ULK4: variants seen among roughly 807,000 people sequenced by gnomAD.
ULK4 encodes unc-51 like kinase 4.
A neutral mutation model predicts 160.6 loss-of-function variants in ULK4; 133 were observed. That is an observed-to-expected ratio of 0.83 (90% CI 0.72 to 0.96). The LOEUF (loss-of-function observed/expected upper bound fraction) is 0.96, where lower values mean the gene tolerates loss of function less well. ULK4 is among the 40% of genes least tolerant of loss of function. The pLI, the probability that ULK4 is intolerant of heterozygous loss-of-function variation, is 0.00. For missense variants in ULK4, 1,580 were observed against 1,499.5 expected (o/e 1.05, Z -0.89); for synonymous variants, 534 against 539.8 (o/e 0.99, Z 0.15).
At chr3:41,326,970 T>C (rs926823948) in intron 35 of ULK4, among the ~76,000 whole-genome samples, 4 of 152,218 alleles carry the variant, frequency 2.6e-5, no homozygotes, top group Admixed American at 6.5e-5. Flanking sequence ...AATCTCTTGG[T>C]CAACTGGTTT....
At chr3:41,550,867 A>G (rs1292314962) in intron 32 of ULK4, among the ~76,000 whole-genome samples, 2 of 152,086 alleles carry the variant, frequency 1.3e-5, no homozygotes, top group Non-Finnish European at 2.9e-5. Context: ...ATTCTCCAGG[A>G]TAGACAATGT....
chr3:41,396,316 G>T (rs2082060646), intron 35 of ULK4, among the ~76,000 whole-genome samples: 1 of 137,532 alleles, frequency 7.3e-6, no homozygotes, highest in South Asian at 2.4e-4. Context: ...ATGCCAAAAA[G>T]ATCTGAAATT....
Position 41,901,668 on chromosome 3 carries a change from C to CG in ULK4, c.1183-840dup, listed in dbSNP as rs1698369845. ...CTAATTTCTGCATTTTTAGTAGAATCGGGGTTTCACCATGTTGGCCAGGCT... is the reference window on the plus strand; with the variant it reads ...CTAATTTCTGCATTTTTAGTAGAATCGGGGGTTTCACCATGTTGGCCAGGCT... On this transcript the variant is annotated intron_variant, in intron 12 of 36. Coordinates refer to ENST00000301831, the MANE Select transcript of ULK4 (RefSeq NM_017886.4). 2.0e-5 allele frequency among the ~76,000 whole-genome samples: 3 copies of CG among 150,826 alleles called. No individual in the cohort carries two copies. The South Asian group carries it at 6.3e-4, about 32-fold the overall frequency.
At chr3:41,892,961 A>G (rs779334044) in intron 16 of ULK4, among the ~76,000 whole-genome samples, 3 of 152,242 alleles carry the variant, frequency 2.0e-5, no homozygotes, top group Non-Finnish European at 4.4e-5. Context: ...CCTTAGCTGC[A>G]GCACCCAATT....
At chr3:41,581,539 A>C (rs2030341344) in intron 31 of ULK4, among the ~76,000 whole-genome samples, 1 of 152,222 alleles carries the variant, frequency 6.6e-6, no homozygotes, top group Non-Finnish European at 1.5e-5. Flanking sequence ...GTATCACAGA[A>C]AATAGACTAT....
At chr3:41,336,247 C>T (rs1424729765) in intron 35 of ULK4, among the ~76,000 whole-genome samples, 1 of 152,252 alleles carries the variant, frequency 6.6e-6, no homozygotes, top group African/African-American at 2.4e-5. Flanking sequence ...TGGAGAAAAA[C>T]ACTTTCTGTA....
At chr3:41,770,985 G>A (rs764044246) in intron 21 of ULK4, among the ~76,000 whole-genome samples, 21 of 152,260 alleles carry the variant, frequency 1.4e-4, no homozygotes, top group South Asian at 6.2e-4. Flanking sequence ...AGTCATCCAC[G>A]AAGACCTGTA....
chr3:41,736,873 G>C (rs2038071174), intron 22 of ULK4, among the ~76,000 whole-genome samples: 1 of 151,732 alleles, frequency 6.6e-6, no homozygotes, highest in Admixed American at 6.6e-5. Flanking sequence ...TTTTGTCTAA[G>C]GTGTAAGGAA....
At chr3:41,401,758 T>C (rs1340060219) in intron 34 of ULK4, among the ~76,000 whole-genome samples, 1 of 152,154 alleles carries the variant, frequency 6.6e-6, no homozygotes, top group African/African-American at 2.4e-5. Context: ...CATTATACAA[T>C]CAGTTATACA....
intron 34 of ULK4, among the ~76,000 whole-genome samples, chr3:41,418,763 T>C (rs970491753): frequency 6.6e-5 from 10 of 152,218 alleles, no homozygotes; most frequent in African/African-American, 2.4e-4. Context: ...CTCTGCCAAA[T>C]GCACCTACTA....
intron 22 of ULK4, among the ~76,000 whole-genome samples, chr3:41,753,598 G>T (rs1451991965): frequency 6.6e-6 from 1 of 152,160 alleles, no homozygotes; most frequent in Admixed American, 6.5e-5. Context: ...GTCCTTCCTA[G>T]GACCAGTCCA....
At chr3:41,829,368 A>C (rs577056388) in intron 18 of ULK4, among the ~76,000 whole-genome samples, 46 of 146,666 alleles carry the variant, frequency 3.1e-4, no homozygotes, top group African/African-American at 1.1e-3. Flanking sequence ...CAACCTACAG[A>C]ATGGGAGAAA....
chr3:41,606,200 A>G (rs2032377227), intron 31 of ULK4, among the ~76,000 whole-genome samples: 1 of 152,008 alleles, frequency 6.6e-6, no homozygotes. Context: ...AGTCAGAATA[A>G]GAGCAAAAAA....
At chr3:41,298,912 T>G (rs9830254) in intron 35 of ULK4, among the ~76,000 whole-genome samples, 23,617 of 152,130 alleles carry the variant, frequency 0.16, 2,198 homozygotes, top group African/African-American at 0.25. Context: ...ACTTGACAAT[T>G]CAGTGAGTCA....
chr3:41,884,268 ATT>A (rs1697637098), intron 16 of ULK4, among the ~76,000 whole-genome samples: 2 of 152,234 alleles, frequency 1.3e-5, no homozygotes, highest in African/African-American at 4.8e-5. Context: ...CAAAACAGTA[ATT>A]AATCCTTTTA....
intron 30 of ULK4, among the ~76,000 whole-genome samples, chr3:41,643,912 C>T (rs1372559806): frequency 6.6e-6 from 1 of 151,972 alleles, no homozygotes; most frequent in African/African-American, 2.4e-5. Context: ...CTTCACATCC[C>T]TTGTAAGTTG....
At chr3:41,478,724 A>G (rs909418243) in intron 32 of ULK4, among the ~76,000 whole-genome samples, 1 of 152,220 alleles carries the variant, frequency 6.6e-6, no homozygotes, top group Non-Finnish European at 1.5e-5. Flanking sequence ...AGATACACTC[A>G]TTTTGACTAC....
chr3:41,927,176 G>T (rs964020446), intron 5 of ULK4, among the ~76,000 whole-genome samples: 6 of 152,214 alleles, frequency 3.9e-5, no homozygotes, highest in African/African-American at 1.4e-4. Context: ...AGCCAGAAAA[G>T]AGTGGGGGTC....
chr3:41,814,000 A>G (rs2040892435), intron 19 of ULK4, among the ~76,000 whole-genome samples: 1 of 152,168 alleles, frequency 6.6e-6, no homozygotes, highest in Non-Finnish European at 1.5e-5. Context: ...ATTCTCAGCC[A>G]GCGCTGAGTG....
Sources: allele counts gnomAD v4.1 joint callset (sites outside exome capture counted in the v4.1 genomes callset), GRCh38; gene constraint gnomAD v4.1.1; transcripts MANE v1.5; gene names NCBI Gene and HGNC (gene_info 2026-07-23, HGNC 2026-07-21).